RCAN2: variants seen among roughly 807,000 people sequenced by gnomAD.
RCAN2 encodes the protein calcipressin-2.
Under a neutral mutation model 23.6 loss-of-function variants are expected in RCAN2, and 9 were observed. That is an observed-to-expected ratio of 0.38 (90% CI 0.23 to 0.67). The LOEUF is 0.67. Ranked by LOEUF, RCAN2 falls within the 30% of genes least tolerant of loss-of-function variation. The probability of loss-of-function intolerance (pLI) is 0.51; values close to 1 mark genes in which losing one functional copy is unlikely to be tolerated. For missense variants in RCAN2, 273 were observed against 302.3 expected (o/e 0.90, Z 0.72); for synonymous variants, 109 against 115.7 (o/e 0.94, Z 0.37).
chr6:46,484,829 A>C (rs1768954703), intron 1 of RCAN2, among the ~76,000 whole-genome samples: 1 of 152,212 alleles, frequency 6.6e-6, no homozygotes, highest in African/African-American at 2.4e-5. Context: ...AAGAAAGCCT[A>C]ACTTCCTTGA....
At chr6:46,427,834 A>G (rs573864641) in intron 2 of RCAN2, among the ~76,000 whole-genome samples, 9 of 152,384 alleles carry the variant, frequency 5.9e-5, no homozygotes, top group East Asian at 1.9e-4. Context: ...TTGATTCCAC[A>G]TAAGTGATTT....
chr6:46,268,115 C>T (rs1314893866), intron 2 of RCAN2, among the ~76,000 whole-genome samples: 2 of 152,166 alleles, frequency 1.3e-5, no homozygotes, highest in Non-Finnish European at 2.9e-5. Flanking sequence ...GTTTCTTGAC[C>T]TGTGGGAGTT....
intron 1 of RCAN2, among the ~76,000 whole-genome samples, chr6:46,468,366 T>G (rs1561918082): frequency 6.6e-6 from 1 of 152,138 alleles, no homozygotes; most frequent in Non-Finnish European, 1.5e-5. Flanking sequence ...CCTGCTTCAA[T>G]CTTATAGTCT....
intron 2 of RCAN2, among the ~76,000 whole-genome samples, chr6:46,291,500 T>TC (rs1403016019): frequency 1.3e-5 from 2 of 151,708 alleles, no homozygotes; most frequent in Admixed American, 6.6e-5. Flanking sequence ...CTCAGGGATT[T>TC]CCCCCTCCAG....
At position 46,314,030 on chromosome 6, in the gene RCAN2, T is replaced by TG. The variant is rs201380033; in HGVS notation, c.226-65135dup. On this transcript the variant is annotated intron_variant, in intron 2 of 4. Transcript: ENST00000371374. Reference sequence around the variant, plus strand: ...GGGCTTTTAGCTTAGTTTTTCTTTTTGTTTTTTAGTATCGGAATTGTTTAC... The same window carrying TG: ...GGGCTTTTAGCTTAGTTTTTCTTTTTGGTTTTTTAGTATCGGAATTGTTTAC... Among the ~76,000 whole-genome samples the TG allele has an allele frequency of 3.4e-3, 515 of 152,306 alleles. 4 individuals carry two copies. The highest frequency in any genetic ancestry group is 0.012 in the African/African-American group (501 of 41,564).
At chr6:46,436,001 G>A (rs561659474) in intron 2 of RCAN2, among the ~76,000 whole-genome samples, 1 of 152,334 alleles carries the variant, frequency 6.6e-6, no homozygotes, top group South Asian at 2.1e-4. Context: ...GACTCTGTAC[G>A]CAGGGGAGAT....
chr6:46,482,883 T>C (rs1561923502), intron 1 of RCAN2, among the ~76,000 whole-genome samples: 1 of 152,196 alleles, frequency 6.6e-6, no homozygotes, highest in Non-Finnish European at 1.5e-5. Flanking sequence ...TGTATAAGCA[T>C]AAGATTTTAA....
chr6:46,314,773 C>T (rs1763380593), intron 2 of RCAN2, among the ~76,000 whole-genome samples: 1 of 152,174 alleles, frequency 6.6e-6, no homozygotes, highest in African/African-American at 2.4e-5. Flanking sequence ...CTTAAAACTT[C>T]TGTATTCTGT....
chr6:46,285,103 A>C (rs1762329480), intron 2 of RCAN2, among the ~76,000 whole-genome samples: 2 of 152,188 alleles, frequency 1.3e-5, no homozygotes, highest in African/African-American at 4.8e-5. Flanking sequence ...TTCAGGTCAT[A>C]ATTTCTTTAC....
chr6:46,254,364 G>T (rs1582034398), intron 2 of RCAN2, among the ~76,000 whole-genome samples: 1 of 152,252 alleles, frequency 6.6e-6, no homozygotes, highest in Non-Finnish European at 1.5e-5. Flanking sequence ...GAAAAGAGCT[G>T]CCCTTCAAGG....
intron 2 of RCAN2, among the ~76,000 whole-genome samples, chr6:46,305,368 C>G (rs1228542274): frequency 6.6e-6 from 1 of 152,072 alleles, no homozygotes; most frequent in African/African-American, 2.4e-5. Context: ...GTCATCATAA[C>G]AGGGGCCTGC....
intron 2 of RCAN2, among the ~76,000 whole-genome samples, chr6:46,305,216 GTTAAC>G (rs1418016856): frequency 6.6e-6 from 1 of 152,108 alleles, no homozygotes; most frequent in Non-Finnish European, 1.5e-5. Flanking sequence ...AATGCATGGA[GTTAAC>G]AATCTGTGGA....
At chr6:46,259,022 C>A (rs1767020176) in intron 2 of RCAN2, among the ~76,000 whole-genome samples, 1 of 151,934 alleles carries the variant, frequency 6.6e-6, no homozygotes, top group African/African-American at 2.4e-5. Flanking sequence ...GAAAACTAAG[C>A]ACAGATATAA....
At chr6:46,437,306 A>G (rs1767403423) in intron 2 of RCAN2, among the ~76,000 whole-genome samples, 1 of 152,236 alleles carries the variant, frequency 6.6e-6, no homozygotes, top group Non-Finnish European at 1.5e-5. Flanking sequence ...ACATGGTATA[A>G]TAACATGTGT....
chr6:46,449,314 G>C (rs371551320), intron 2 of RCAN2, among the ~76,000 whole-genome samples: 11 of 151,282 alleles, frequency 7.3e-5, no homozygotes, highest in Admixed American at 2.0e-4. Flanking sequence ...ACATAATGAA[G>C]GAATCTGAAG....
At chr6:46,438,795 G>A (rs901463941) in intron 2 of RCAN2, among the ~76,000 whole-genome samples, 3 of 152,050 alleles carry the variant, frequency 2.0e-5, no homozygotes, top group Non-Finnish European at 4.4e-5. Flanking sequence ...AGCTTCATGA[G>A]GGCTTGCATT....
intron 2 of RCAN2, among the ~76,000 whole-genome samples, chr6:46,293,131 G>A (rs566267277): frequency 6.6e-6 from 1 of 152,192 alleles, no homozygotes; most frequent in Non-Finnish European, 1.5e-5. Flanking sequence ...TCACTGATAG[G>A]CATTTGGGTT....
At chr6:46,258,987 G>A (rs1767019269) in intron 2 of RCAN2, among the ~76,000 whole-genome samples, 1 of 152,098 alleles carries the variant, frequency 6.6e-6, no homozygotes, top group African/African-American at 2.4e-5. Flanking sequence ...CACACCTTGG[G>A]GAGCCTTCTT....
chr6:46,263,491 GTGTA>G (rs1224391593), intron 2 of RCAN2, among the ~76,000 whole-genome samples: 2 of 137,990 alleles, frequency 1.4e-5, no homozygotes, highest in African/African-American at 5.5e-5. Context: ...GTGTGTGTGT[GTGTA>G]TGTGTGTATG....
Sources: allele counts gnomAD v4.1 joint callset (sites outside exome capture counted in the v4.1 genomes callset), GRCh38; gene constraint gnomAD v4.1.1; transcripts MANE v1.5; gene names NCBI Gene and HGNC (gene_info 2026-07-23, HGNC 2026-07-21).